The following VPS37A variants were observed in gnomAD, a reference collection of about 807,000 sequenced individuals.
VPS37A encodes the protein vacuolar protein sorting-associated protein 37A.
In VPS37A, 30 loss-of-function variants were observed where a neutral mutation model predicts 49.8. The ratio of observed to expected loss-of-function variants is 0.60; its 90% CI spans 0.45 to 0.82. The LOEUF (loss-of-function observed/expected upper bound fraction) is 0.82, where lower values mean the gene tolerates loss of function less well. Ranked by LOEUF, VPS37A falls within the 40% of genes least tolerant of loss-of-function variation. VPS37A has a pLI of 0.00. For missense variants in VPS37A, 593 were observed against 464.4 expected, an observed-to-expected ratio of 1.28 and a Z score of -2.55; for synonymous variants, 195 against 160.6, an observed-to-expected ratio of 1.21 and a Z score of -1.62.
the VPS37A span, among the ~76,000 whole-genome samples, chr8:17,320,149 T>C: frequency 6.6e-6 from 1 of 151,950 alleles, no homozygotes; most frequent in African/African-American, 2.4e-5. Flanking sequence ...TATATTTACA[T>C]AACATATGAG....
chr8:17,256,765 G>A (rs980521371), intron 1 of VPS37A, among the ~76,000 whole-genome samples: 2 of 151,888 alleles, frequency 1.3e-5, no homozygotes, highest in Non-Finnish European at 2.9e-5. Context: ...CAATTTTCCT[G>A]CCTCAGCCTT....
chr8:17,313,922 C>T, the VPS37A span, among the ~76,000 whole-genome samples: 40 of 152,304 alleles, frequency 2.6e-4, no homozygotes, highest in African/African-American at 8.4e-4. Flanking sequence ...CAATAACCCC[C>T]ACCCAATGGG....
chr8:17,302,302 CGTG>C (rs1817169637), downstream of VPS37A: 2 of 1,609,690 alleles, frequency 1.2e-6, no homozygotes, highest in African/African-American at 1.3e-5. Flanking sequence ...GGCAAAGCGT[CGTG>C]ATACCACCTT....
chr8:17,249,101 A>G (rs951600768), intron 1 of VPS37A, among the ~76,000 whole-genome samples: 1 of 152,228 alleles, frequency 6.6e-6, no homozygotes, highest in Non-Finnish European at 1.5e-5. Context: ...AAACCTTAGT[A>G]TGTAGTATTA....
the VPS37A span, among the ~76,000 whole-genome samples, chr8:17,318,716 G>C: frequency 6.6e-6 from 1 of 152,178 alleles, no homozygotes; most frequent in African/African-American, 2.4e-5. Context: ...GTGACGTGAA[G>C]TGGCAGCTGA....
intron 1 of VPS37A, among the ~76,000 whole-genome samples, chr8:17,250,045 G>C (rs190904680): frequency 1.4e-4 from 22 of 152,324 alleles, no homozygotes; most frequent in African/African-American, 5.1e-4. Flanking sequence ...ACCGGCCCGG[G>C]CTCATATGGA....
intron 1 of VPS37A, among the ~76,000 whole-genome samples, chr8:17,265,399 T>G (rs1018289914): frequency 6.6e-6 from 1 of 152,194 alleles, no homozygotes; most frequent in African/African-American, 2.4e-5. Context: ...AAATCAGGCT[T>G]CTCTACTTAG....
intron 1 of VPS37A, among the ~76,000 whole-genome samples, chr8:17,259,854 T>G (rs1241327862): frequency 6.6e-6 from 1 of 152,176 alleles, no homozygotes; most frequent in Non-Finnish European, 1.5e-5. Context: ...AGTCTTTGAT[T>G]TGTAGTCTGT....
chr8:17,296,685 C>G lies in VPS37A; in HGVS notation c.*1699C>G, dbSNP rs1586105505. The G allele has an allele frequency of 6.6e-6, 1 of 152,088 alleles. No homozygotes were observed. Among genetic ancestry groups the G allele is most frequent in the Non-Finnish European group, 1.5e-5 (1 of 68,002 alleles). 9.4% of individuals were successfully genotyped at this position (152,088 alleles called of 1,614,324 possible). On this transcript the variant is annotated 3_prime_UTR_variant, in exon 12 of 12. Coordinates refer to ENST00000324849, the MANE Select transcript of VPS37A (RefSeq NM_152415.3). Reference sequence around the variant, plus strand: ...AATAAGGCATTGTGGAAATACTATACAAAGATAAACATTGTTTAGATGCTT... The same window carrying G: ...AATAAGGCATTGTGGAAATACTATAGAAAGATAAACATTGTTTAGATGCTT...
chr8:17,322,556 A>G, the VPS37A span, among the ~76,000 whole-genome samples: 90,727 of 152,076 alleles, frequency 0.6, 29,168 homozygotes, highest in African/African-American at 0.83. Flanking sequence ...ACATTGGGTC[A>G]TGCCTGTAAT....
the VPS37A span, among the ~76,000 whole-genome samples, chr8:17,322,106 A>G: frequency 2.7e-3 from 404 of 147,936 alleles, 3 homozygotes; most frequent in African/African-American, 9.8e-3. Flanking sequence ...TCCCTTGATT[A>G]CCAGCCCAGC....
At chr8:17,262,692 C>G (rs1384384220) in intron 1 of VPS37A, among the ~76,000 whole-genome samples, 1 of 151,842 alleles carries the variant, frequency 6.6e-6, no homozygotes, top group African/African-American at 2.4e-5. Context: ...AAGCTGCAAA[C>G]AATCTAAATA....
At chr8:17,285,953 T>C (rs1045154012) in intron 10 of VPS37A, among the ~76,000 whole-genome samples, 2 of 152,192 alleles carry the variant, frequency 1.3e-5, no homozygotes, top group Admixed American at 6.5e-5. Flanking sequence ...TCGTCAACAT[T>C]AGCTATCTTC....
downstream of VPS37A, among the ~76,000 whole-genome samples, chr8:17,302,782 G>C (rs1048511679): frequency 2.2e-5 from 3 of 137,598 alleles, no homozygotes; most frequent in Admixed American, 2.5e-4. Flanking sequence ...GTGTGATATC[G>C]GCTCCTTGCA....
intron 3 of VPS37A, 48 bp from the exon 4 acceptor site, chr8:17,268,808 A>C (rs1395388797): frequency 7.9e-7 from 1 of 1,261,012 alleles, no homozygotes; most frequent in Non-Finnish European, 1.1e-6. Flanking sequence ...GAGACTTTAT[A>C]ATCTTTTTCT....
chr8:17,283,370 G>C (rs1815280896), intron 9 of VPS37A, among the ~76,000 whole-genome samples: 1 of 152,052 alleles, frequency 6.6e-6, no homozygotes, highest in South Asian at 2.1e-4. Context: ...TGCCCAGCCT[G>C]GTCATGAACT....
Position 17,297,559 on chromosome 8 carries a change from T to TTTA in VPS37A, c.*2576_*2578dup, listed in dbSNP as rs1816778619. 1 of 149,256 alleles carries TTTA rather than the reference T, an allele frequency of 6.7e-6. No individual in the cohort carries two copies. Among genetic ancestry groups the TTTA allele is most frequent in the African/African-American group, 2.5e-5 (1 of 40,118 alleles). 9.2% of individuals were successfully genotyped at this position (149,256 alleles called of 1,614,324 possible). On this transcript the variant is annotated 3_prime_UTR_variant, in exon 12 of 12. Transcript: ENST00000324849. ...GGGTCATGGTCAAAATTCTTACCTATTTATTTCATATCAACTTTAAAAAAT... is the reference window on the plus strand; with the variant it reads ...GGGTCATGGTCAAAATTCTTACCTATTTATTATTTCATATCAACTTTAAAAAAT...
the VPS37A span, chr8:17,331,404 G>A: frequency 4.4e-3 from 4,572 of 1,033,498 alleles, 15 homozygotes; most frequent in Non-Finnish European, 5.5e-3. Flanking sequence ...AACATAATAC[G>A]CTTATTTGAA....
At chr8:17,272,134 C>T in intron 4 of VPS37A, 3 of 455,214 alleles carry the variant, frequency 6.6e-6, no homozygotes, top group South Asian at 4.7e-5. Context: ...AAAAGTTCTC[C>T]TTCCGGTGAC....
Sources: gnomAD v4.1 joint callset for allele counts (sites outside exome capture counted in the v4.1 genomes callset) on GRCh38, gnomAD v4.1.1 for gene constraint, MANE v1.5 for transcripts, NCBI Gene and HGNC (gene_info 2026-07-23, HGNC 2026-07-21) for gene names.